EPHB2: variants seen among roughly 807,000 people sequenced by gnomAD.
The protein encoded by EPHB2 is ephrin type-B receptor 2.
EPHB2 carries 18 observed loss-of-function variants against 96.4 expected under a neutral mutation model. The observed-to-expected ratio is 0.19, with a 90% CI of 0.13 to 0.28. EPHB2 has a LOEUF of 0.28. Among genes scored for constraint, EPHB2 ranks in the 10% least tolerant of loss-of-function variants. EPHB2 has a pLI of 1.00. For synonymous variants in EPHB2, 506 were observed against 534.1 expected (o/e 0.95, Z 0.72); for missense variants, 989 against 1,355.4 (o/e 0.73, Z 4.25).
At chr1:22,884,431 C>A (rs192530888) in intron 6 of EPHB2, among the ~76,000 whole-genome samples, 12 of 152,134 alleles carry the variant, frequency 7.9e-5, no homozygotes, top group African/African-American at 2.9e-4. Flanking sequence ...ACGGGCCTGA[C>A]CAACATGGTG....
intron 3 of EPHB2, among the ~76,000 whole-genome samples, chr1:22,848,640 C>A (rs2148506306): frequency 6.6e-6 from 1 of 152,288 alleles, no homozygotes; most frequent in African/African-American, 2.4e-5. Context: ...CCCCAGAAGT[C>A]AACAGGAGGA....
At position 22,909,178 on chromosome 1, in the gene EPHB2, C is replaced by G. The variant is rs1259169513; in HGVS notation, c.2502+7C>G. Reference sequence around the variant, plus strand: ...GGACATGACCAACCAGGATGTAAGTCTCCAAGGGGATAGGCAAGGCCTCTC... The same window carrying G: ...GGACATGACCAACCAGGATGTAAGTGTCCAAGGGGATAGGCAAGGCCTCTC... On this transcript the variant is annotated splice_region_variant and intron_variant, in intron 13 of 15. Coordinates refer to ENST00000374630, the MANE Select transcript of EPHB2 (RefSeq NM_017449.5). 1 of 1,614,082 alleles carries G rather than the reference C, an allele frequency of 6.2e-7. No homozygotes were observed. Among genetic ancestry groups the G allele is most frequent in the Non-Finnish European group, 8.5e-7 (1 of 1,180,024 alleles).
In EPHB2 at chr1:22,896,429, T is replaced by C. The variant is rs748813781; in HGVS notation, c.1716T>C (p.Arg572=). 1.2e-6 allele frequency: 2 copies of C among 1,614,164 alleles called. No individual in the cohort carries two copies. The highest frequency in any genetic ancestry group is 1.7e-6 in the Non-Finnish European group (2 of 1,180,020). Residue 572 remains arginine, a synonymous_variant, in exon 9 of 16, where the codon CGT becomes CGC. Transcript: ENST00000374630. The part of the protein sequence containing the change: ...AIVCNRRGFE[R]ADSEYTDKLQ... ...GTTCCAGAAGACGGGGGTTTGAGCGTGCTGACTCGGAGTACACGGACAAGC... is the reference window on the plus strand; with the variant it reads ...GTTCCAGAAGACGGGGGTTTGAGCGCGCTGACTCGGAGTACACGGACAAGC...
At chr1:22,835,534 A>T (rs1343855694) in intron 3 of EPHB2, among the ~76,000 whole-genome samples, 1 of 152,286 alleles carries the variant, frequency 6.6e-6, no homozygotes, top group Non-Finnish European at 1.5e-5. Context: ...TTTATGCACG[A>T]GTAGACATGC....
chr1:22,718,886 C>T (rs1260519596), intron 1 of EPHB2, among the ~76,000 whole-genome samples: 1 of 152,100 alleles, frequency 6.6e-6, no homozygotes, highest in Admixed American at 6.5e-5. Flanking sequence ...CTGGTGACTC[C>T]AGAGCTCATG....
intron 3 of EPHB2, among the ~76,000 whole-genome samples, chr1:22,808,760 C>G (rs575170353): frequency 3.9e-5 from 6 of 152,234 alleles, no homozygotes; most frequent in African/African-American, 1.2e-4. Flanking sequence ...CATTTTACAA[C>G]GAGAAAAGCT....
At position 22,792,119 on chromosome 1, in the gene EPHB2, C is replaced by A. The variant is rs77612476; in HGVS notation, c.811+7043C>A. Among the ~76,000 whole-genome samples, 389 of 152,006 alleles carry A rather than the reference C, an allele frequency of 2.6e-3. 2 individuals carry two copies. Among genetic ancestry groups the A allele is most frequent in the Middle Eastern group, 6.8e-3 (2 of 294 alleles). ...TCTGGGCCTTCAGAGTTGGATCCTCCTTCCCACCCTGCTTTCAGCTCGAGC... is the reference window on the plus strand; with the variant it reads ...TCTGGGCCTTCAGAGTTGGATCCTCATTCCCACCCTGCTTTCAGCTCGAGC... On this transcript the variant is annotated intron_variant, in intron 3 of 15. Transcript: ENST00000374630.
At chr1:22,800,723 T>TGTGC (rs1553165469) in intron 3 of EPHB2, among the ~76,000 whole-genome samples, 6 of 151,284 alleles carry the variant, frequency 4.0e-5, no homozygotes, top group Non-Finnish European at 5.9e-5. Flanking sequence ...TGTGTGTGTG[T>TGTGC]GCACGCACAT....
rs1277263893 is a variant in EPHB2 at position 22,900,241 on chromosome 1, C to T, written c.1765+3763C>T. 2.0e-5 allele frequency among the ~76,000 whole-genome samples: 3 copies of T among 152,088 alleles called. No individual in the cohort carries two copies. The East Asian group carries it at 5.8e-4, about 29-fold the overall frequency. ...CCTGGGAGGCGAAGGTTGCAGTGAG[C>T]TGAGATCACGTCACTGCACTCCAGC... On this transcript the variant is annotated intron_variant, in intron 9 of 15. Transcript: ENST00000374630.
At chr1:22,891,815 G>C (rs977665960) in intron 6 of EPHB2, among the ~76,000 whole-genome samples, 1 of 147,094 alleles carries the variant, frequency 6.8e-6, no homozygotes, top group Admixed American at 6.9e-5. Flanking sequence ...TATTTTTTTA[G>C]ATAGGGTTTT....
intron 1 of EPHB2, among the ~76,000 whole-genome samples, chr1:22,748,759 T>C (rs1644015226): frequency 6.7e-6 from 1 of 149,852 alleles, no homozygotes; most frequent in African/African-American, 2.4e-5. Flanking sequence ...TATATGATAT[T>C]AAAATAAAAT....
intron 1 of EPHB2, among the ~76,000 whole-genome samples, chr1:22,775,973 G>A (rs560886910): frequency 6.6e-6 from 1 of 152,338 alleles, no homozygotes; most frequent in Admixed American, 6.5e-5. Flanking sequence ...AGGTGAAACG[G>A]CAAAGTTGGC....
chr1:22,760,056 G>C lies in EPHB2; in HGVS notation c.62-21365G>C, dbSNP rs115832956. Among the ~76,000 whole-genome samples, 1,517 of 152,298 alleles carry C rather than the reference G, an allele frequency of 1.0e-2. 35 individuals are homozygous for C. Among genetic ancestry groups the C allele is most frequent in the African/African-American group, 0.034 (1,428 of 41,564 alleles). ...AATTTGCTATAGAGGCCAAACCTCT[G>C]AGGCACGTCAGATGGATAACACAAG... On this transcript the variant is annotated intron_variant, in intron 1 of 15. Transcript: ENST00000374630.
rs1374326736 is a variant in EPHB2, at chr1:22,863,086, C to A, written c.861C>A (p.Thr287=). The A allele has an allele frequency of 1.9e-6, 3 of 1,614,052 alleles. No homozygotes were observed. In the South Asian group the frequency reaches 3.3e-5, roughly 18 times the overall value. The change falls in exon 4 of 16, where the codon ACC becomes ACA. Residue 287 remains threonine, a synonymous_variant. Coordinates refer to ENST00000374630, the MANE Select transcript of EPHB2 (RefSeq NM_017449.5). ...CCAACCAAGGGGATGAGGCCTGTACCCACTGTCCCATCAACAGCCGGACCA... is the reference window on the plus strand; with the variant it reads ...CCAACCAAGGGGATGAGGCCTGTACACACTGTCCCATCAACAGCCGGACCA... ...FKANQGDEAC[T]HCPINSRTTS... is the part of the protein sequence containing the mutation.
chr1:22,893,901 C>T (rs1283432538), intron 7 of EPHB2, among the ~76,000 whole-genome samples: 1 of 152,202 alleles, frequency 6.6e-6, no homozygotes, highest in Admixed American at 6.5e-5. Flanking sequence ...AGTCAAACTC[C>T]AGGGTGACTC....
chr1:22,867,365 C>G (rs1335536258), intron 5 of EPHB2, among the ~76,000 whole-genome samples: 1 of 152,160 alleles, frequency 6.6e-6, no homozygotes, highest in Non-Finnish European at 1.5e-5. Context: ...TGTATTTGAG[C>G]ATGAGTTTGT....
chr1:22,886,809 A>G (rs1225213110), intron 6 of EPHB2, among the ~76,000 whole-genome samples: 1 of 151,914 alleles, frequency 6.6e-6, no homozygotes, highest in Non-Finnish European at 1.5e-5. Flanking sequence ...TATTTTAAGT[A>G]GAGACGGGGT....
chr1:22,819,611 C>G (rs1210306475), intron 3 of EPHB2, among the ~76,000 whole-genome samples: 2 of 152,122 alleles, frequency 1.3e-5, no homozygotes, highest in African/African-American at 4.8e-5. Flanking sequence ...CCTGACCACC[C>G]CGGGACAGAC....
At chr1:22,772,605 A>C (rs1644395937) in intron 1 of EPHB2, among the ~76,000 whole-genome samples, 1 of 152,184 alleles carries the variant, frequency 6.6e-6, no homozygotes, top group South Asian at 2.1e-4. Flanking sequence ...GCTTTGGGCC[A>C]GTGAACCCAA....
Sources: allele counts gnomAD v4.1 joint callset (sites outside exome capture counted in the v4.1 genomes callset), GRCh38; gene constraint gnomAD v4.1.1; transcripts MANE v1.5; gene names NCBI Gene and HGNC (gene_info 2026-07-23, HGNC 2026-07-21).